Variants in IREB2 observed in about 807,000 individuals in gnomAD.
IREB2 encodes iron responsive element binding protein 2.
Under a neutral mutation model 118.8 loss-of-function variants are expected in IREB2, and 39 were observed. The observed-to-expected ratio is 0.33, with a 90% CI of 0.25 to 0.43. The LOEUF is 0.43. Among genes scored for constraint, IREB2 ranks in the 20% least tolerant of loss-of-function variants. IREB2 has a pLI of 1.00. For missense variants in IREB2, 900 were observed against 1,147.3 expected (o/e 0.78, Z 3.11); for synonymous variants, 372 against 392.2 (o/e 0.95, Z 0.61).
upstream of IREB2, chr15:78,438,091 C>T (rs971671456): frequency 1.4e-5 from 7 of 501,806 alleles, no homozygotes; most frequent in Admixed American, 3.4e-5. Context: ...CGAGAAATCG[C>T]TTTCTGGTTA....
At chr15:78,438,641 A>T in intron 1 of IREB2, 1 of 469,330 alleles carries the variant, frequency 2.1e-6, no homozygotes, top group Non-Finnish European at 3.8e-6. Flanking sequence ...GCCTGCTGCC[A>T]GCGGCTTCCT....
chr15:78,496,123 ACT>A (rs1470926919), intron 20 of IREB2, among the ~76,000 whole-genome samples: 2 of 151,936 alleles, frequency 1.3e-5, no homozygotes, highest in African/African-American at 2.4e-5. Flanking sequence ...TACTGGTATC[ACT>A]CTCTAATTTC....
Position 78,449,298 on chromosome 15 carries a change from A to G in IREB2, c.106+9417A>G, listed in dbSNP as rs1567163364. Among the ~76,000 whole-genome samples the G allele has an allele frequency of 2.6e-5, 4 of 152,340 alleles. No homozygotes were observed. The South Asian group carries it at 6.2e-4, about 24-fold the overall frequency. On this transcript the variant is annotated intron_variant, in intron 2 of 21. Transcript: ENST00000258886. ...TTATACACTTGGCCAAGGTCCCACA[A>G]CTAATTACCGTTACCTACTAAGTGG...
intron 3 of IREB2, 57 bp from the exon 4 acceptor site, chr15:78,465,194 A>G: frequency 7.4e-7 from 1 of 1,360,500 alleles, no homozygotes. Context: ...TTTATCATTT[A>G]TTAAGCATGT....
chr15:78,439,821 A>G lies in IREB2; in HGVS notation c.46A>G (p.Thr16Ala). ...AGYAFEYLIETLNDSSHKKFF... is the reference protein window; with the variant it reads ...AGYAFEYLIEALNDSSHKKFF... Reference sequence around the variant, plus strand: ...ATACGCCTTTGAGTACCTTATTGAAACATTAAATGACAGTTCACATAAGAA... The same window carrying G: ...ATACGCCTTTGAGTACCTTATTGAAGCATTAAATGACAGTTCACATAAGAA... The change falls in exon 2 of 22, where the codon ACA becomes GCA. Residue 16 changes from threonine to alanine, a missense_variant. Coordinates refer to ENST00000258886, the MANE Select transcript of IREB2 (RefSeq NM_004136.4). The G allele has an allele frequency of 6.3e-7, 1 of 1,596,936 alleles. No homozygotes were observed. Among genetic ancestry groups the G allele is most frequent in the East Asian group, 2.3e-5 (1 of 44,328 alleles).
Position 78,487,714 on chromosome 15 carries a change from C to T in IREB2, c.1710-19C>T. ...AATGTTGTGATGTGCTATTCAGTCA[C>T]TTTTTTTTTGAAATGCAGATTTGAA... On this transcript the variant is annotated intron_variant, in intron 13 of 21. Transcript: ENST00000258886. 1 of 1,396,354 alleles carries T rather than the reference C, an allele frequency of 7.2e-7. No homozygotes were observed. The highest frequency in any genetic ancestry group is 1.0e-6 in the Non-Finnish European group (1 of 988,520). The allele number at this position is 1,396,354 out of a possible 1,614,324, so 86.5% of individuals were successfully genotyped here. A position where few individuals can be genotyped will look rare whatever the true frequency, so the allele number is the denominator to read the frequency against.
chr15:78,451,851 C>A (rs530129129), intron 2 of IREB2, among the ~76,000 whole-genome samples: 1 of 152,190 alleles, frequency 6.6e-6, no homozygotes, highest in African/African-American at 2.4e-5. Flanking sequence ...CTGCGTCCAA[C>A]AGGGTTTCAC....
intron 8 of IREB2, chr15:78,475,447 G>A (rs745572996): frequency 6.6e-6 from 1 of 152,168 alleles, no homozygotes; most frequent in East Asian, 1.9e-4. Flanking sequence ...TTTGAAAAAT[G>A]TTTATAGCCA....
At chr15:78,470,378 A>C (rs1218452465) in intron 5 of IREB2, among the ~76,000 whole-genome samples, 154 bp from the exon 6 acceptor site, 1 of 152,242 alleles carries the variant, frequency 6.6e-6, no homozygotes, top group African/African-American at 2.4e-5. Flanking sequence ...TTGTTGAAAA[A>C]GAAAATAATT....
At chr15:78,455,565 T>C (rs2051091906) in intron 2 of IREB2, among the ~76,000 whole-genome samples, 1 of 118,402 alleles carries the variant, frequency 8.4e-6, no homozygotes. Context: ...ATCCCATCTC[T>C]ATTGAAAAAA....
At chr15:78,484,055 G>A (rs1169028511) in intron 11 of IREB2, among the ~76,000 whole-genome samples, 1 of 151,844 alleles carries the variant, frequency 6.6e-6, no homozygotes, top group Non-Finnish European at 1.5e-5. Context: ...AACAGTGCTG[G>A]GATTATAGCC....
intron 18 of IREB2, 106 bp downstream of exon 18, chr15:78,490,867 A>T: frequency 9.9e-7 from 1 of 1,011,292 alleles, no homozygotes; most frequent in Non-Finnish European, 1.4e-6. Flanking sequence ...ATGCTATCGT[A>T]GGTAATCTGA....
Position 78,482,290 on chromosome 15 carries a change from A to G in IREB2, c.1297-1028A>G, listed in dbSNP as rs1018570260. ...TAAGTAGTTGGATCAGTCAGAATAA[A>G]CAGGGATATAAAATAATGTTGAAAG... On this transcript the variant is annotated intron_variant, in intron 10 of 21. Transcript: ENST00000258886. Among the ~76,000 whole-genome samples, 3 of 152,342 alleles carry G rather than the reference A, an allele frequency of 2.0e-5. No individual in the cohort carries two copies. The South Asian group carries it at 6.2e-4, about 32-fold the overall frequency.
chr15:78,470,459 G>A (rs2051356424), intron 5 of IREB2, 73 bp from the exon 6 acceptor site: 13 of 882,970 alleles, frequency 1.5e-5, no homozygotes, highest in Non-Finnish European at 2.1e-5. Flanking sequence ...GCCTAAGAAC[G>A]ATGACTTAGA....
chr15:78,438,046 C>G (rs1260052683), upstream of IREB2: 1 of 483,660 alleles, frequency 2.1e-6, no homozygotes, highest in Non-Finnish European at 3.8e-6. Context: ...CTCCCCAGCG[C>G]TCCGCCCCCG....
rs1373815341 is a variant in IREB2, at chr15:78,485,915, A to G, written c.1709+75A>G. 16 of 1,227,320 alleles carry G rather than the reference A, an allele frequency of 1.3e-5. No homozygotes were observed. In the Admixed American group the frequency reaches 2.4e-4, roughly 19 times the overall value. The allele number at this position is 1,227,320 out of a possible 1,614,324, so 76.0% of individuals were successfully genotyped here. A position where few individuals can be genotyped will look rare whatever the true frequency, so the allele number is the denominator to read the frequency against. ...CTGAAGCTGCTTGTTTGTGCCTTTC[A>G]TATACAAAGAGAAGATAGAAAAAAT... is the stretch of plus-strand genomic sequence containing the variant. On this transcript the variant is annotated intron_variant, in intron 13 of 21. Transcript: ENST00000258886.
At chr15:78,492,257 C>CT in intron 18 of IREB2, among the ~76,000 whole-genome samples, 1 of 152,204 alleles carries the variant, frequency 6.6e-6, no homozygotes, top group East Asian at 1.9e-4. Flanking sequence ...ACCCCCCGCA[C>CT]CCAGATTATG....
At chr15:78,440,871 G>T (rs1400819831) in intron 2 of IREB2, among the ~76,000 whole-genome samples, 3 of 152,164 alleles carry the variant, frequency 2.0e-5, no homozygotes, top group African/African-American at 7.2e-5. Context: ...AAGAGTGAAT[G>T]TGGGCGACCT....
intron 2 of IREB2, among the ~76,000 whole-genome samples, chr15:78,452,227 G>T (rs2051038031): frequency 6.6e-6 from 1 of 152,166 alleles, no homozygotes; most frequent in Non-Finnish European, 1.5e-5. Flanking sequence ...CATCTGGAAG[G>T]ATGGTGGTGC....
Sources: allele counts gnomAD v4.1 joint callset (sites outside exome capture counted in the v4.1 genomes callset), GRCh38; gene constraint gnomAD v4.1.1; transcripts MANE v1.5; gene names NCBI Gene and HGNC (gene_info 2026-07-23, HGNC 2026-07-21).